MYO5A: variants seen among roughly 807,000 people sequenced by gnomAD.
The protein encoded by MYO5A is unconventional myosin-Va.
Under a neutral mutation model 249.7 loss-of-function variants are expected in MYO5A, and 98 were observed. The observed-to-expected ratio is 0.39, with a 90% CI of 0.33 to 0.46. The LOEUF (loss-of-function observed/expected upper bound fraction) is 0.46. Among genes scored for constraint, MYO5A ranks in the 20% least tolerant of loss-of-function variants. The probability of loss-of-function intolerance (pLI) is 0.98; values close to 1 mark genes in which losing one functional copy is unlikely to be tolerated. For missense variants in MYO5A, 1,696 were observed against 2,308.8 expected, an observed-to-expected ratio of 0.73 and a Z score of 5.44; for synonymous variants, 778 against 810.6, an observed-to-expected ratio of 0.96 and a Z score of 0.68.
intron 36 of MYO5A, 198 bp from the exon 37 acceptor site, chr15:52,323,642 G>C (rs1482397628): frequency 3.9e-6 from 2 of 508,228 alleles, no homozygotes; most frequent in African/African-American, 3.9e-5. Context: ...TTGTTGCTTT[G>C]CTTGCCATTC....
At chr15:52,518,563 A>G (rs2077544505) in intron 1 of MYO5A, among the ~76,000 whole-genome samples, 1 of 152,226 alleles carries the variant, frequency 6.6e-6, no homozygotes, top group Admixed American at 6.5e-5. Context: ...GCTGCTTATC[A>G]AACTAGAAGA....
At chr15:52,430,416 C>G (rs2075501640) in intron 2 of MYO5A, among the ~76,000 whole-genome samples, 1 of 152,218 alleles carries the variant, frequency 6.6e-6, no homozygotes, top group South Asian at 2.1e-4. Flanking sequence ...GTAACATCTT[C>G]ACAGAAATTT....
chr15:52,404,009 T>C (rs992834437), intron 9 of MYO5A, among the ~76,000 whole-genome samples: 6 of 152,176 alleles, frequency 3.9e-5, no homozygotes, highest in South Asian at 4.1e-4. Flanking sequence ...CTCACACCTA[T>C]AATCCCAGCA....
chr15:52,390,606 C>A (rs1344472509), intron 12 of MYO5A, among the ~76,000 whole-genome samples: 2 of 143,244 alleles, frequency 1.4e-5, no homozygotes, highest in African/African-American at 2.6e-5. Flanking sequence ...TTCACCCAGG[C>A]TGGAGTGCAA....
intron 1 of MYO5A, among the ~76,000 whole-genome samples, chr15:52,486,774 A>G (rs1257383324): frequency 6.6e-6 from 1 of 152,162 alleles, no homozygotes; most frequent in Admixed American, 6.6e-5. Flanking sequence ...AGTGCGGCCA[A>G]TTCTAAAGGC....
At chr15:52,520,376 G>A (rs1262989645) in intron 1 of MYO5A, among the ~76,000 whole-genome samples, 4 of 152,138 alleles carry the variant, frequency 2.6e-5, no homozygotes, top group Admixed American at 6.5e-5. Flanking sequence ...CCAATGAAAG[G>A]AGAAGGCACA....
intron 1 of MYO5A, among the ~76,000 whole-genome samples, chr15:52,501,788 G>GA (rs1485829782): frequency 6.6e-6 from 1 of 150,574 alleles, no homozygotes; most frequent in Non-Finnish European, 1.5e-5. Flanking sequence ...CTTGCCCACA[G>GA]AAAAAAATAT....
chr15:52,337,152 G>A (rs1193508543), intron 33 of MYO5A, among the ~76,000 whole-genome samples: 1 of 152,200 alleles, frequency 6.6e-6, no homozygotes, highest in East Asian at 1.9e-4. Context: ...GTGGCATAAG[G>A]CATCTATAAA....
At chr15:52,341,204 A>G (rs1050798203) in intron 31 of MYO5A, among the ~76,000 whole-genome samples, 1 of 152,176 alleles carries the variant, frequency 6.6e-6, no homozygotes, top group Non-Finnish European at 1.5e-5. Context: ...TCCTATTCTG[A>G]AAGACAGAAA....
intron 37 of MYO5A, among the ~76,000 whole-genome samples, chr15:52,322,187 T>C (rs774765850): frequency 6.6e-6 from 1 of 152,262 alleles, no homozygotes; most frequent in Non-Finnish European, 1.5e-5. Flanking sequence ...GCCAAGCATC[T>C]GCCTCCTTAC....
chr15:52,383,069 T>G (rs746108371), intron 16 of MYO5A, 22 bp downstream of exon 16: 1 of 1,566,744 alleles, frequency 6.4e-7, no homozygotes. Context: ...ACTTTTTCAC[T>G]GGGTGGTTCA....
intron 1 of MYO5A, among the ~76,000 whole-genome samples, chr15:52,445,748 C>A (rs186072963): frequency 1.1e-3 from 160 of 152,296 alleles, no homozygotes; most frequent in African/African-American, 3.8e-3. Flanking sequence ...GTGTGTTACG[C>A]CTCACCAAAG....
intron 4 of MYO5A, among the ~76,000 whole-genome samples, chr15:52,420,129 G>A (rs1002542547): frequency 3.3e-5 from 5 of 151,980 alleles, no homozygotes; most frequent in African/African-American, 1.2e-4. Flanking sequence ...AACATAGTGA[G>A]ATTCCATCTC....
At chr15:52,318,761 T>C (rs984980237) in intron 39 of MYO5A, among the ~76,000 whole-genome samples, 1 of 152,264 alleles carries the variant, frequency 6.6e-6, no homozygotes, top group Non-Finnish European at 1.5e-5. Flanking sequence ...CTCATCTTTG[T>C]GTATTTTTGC....
At chr15:52,335,997 C>T (rs145569849) in intron 34 of MYO5A, among the ~76,000 whole-genome samples, 165 of 152,156 alleles carry the variant, frequency 1.1e-3, no homozygotes, top group African/African-American at 3.9e-3. Flanking sequence ...TTTGGACCAA[C>T]CTAATAGCTC....
intron 1 of MYO5A, among the ~76,000 whole-genome samples, chr15:52,466,023 G>A (rs1028174026): frequency 7.9e-5 from 12 of 152,230 alleles, no homozygotes; most frequent in African/African-American, 2.9e-4. Context: ...CTAGGGAATC[G>A]AGCAATCCAG....
intron 1 of MYO5A, among the ~76,000 whole-genome samples, chr15:52,494,331 T>C (rs1050973690): frequency 2.0e-5 from 3 of 152,184 alleles, no homozygotes; most frequent in African/African-American, 7.2e-5. Flanking sequence ...CCCACAGATG[T>C]ACAAGGGACC....
intron 4 of MYO5A, 86 bp from the exon 5 acceptor site, chr15:52,416,387 A>C: frequency 7.0e-7 from 1 of 1,432,434 alleles, no homozygotes; most frequent in East Asian, 2.4e-5. Context: ...CTATGGAAGT[A>C]GGGGGCTAAT....
chr15:52,428,668 A>C (rs751243592), intron 2 of MYO5A, 99 bp from the exon 3 acceptor site: 81 of 1,259,824 alleles, frequency 6.4e-5, no homozygotes, highest in Non-Finnish European at 9.2e-5. Flanking sequence ...TTTGCTTCTC[A>C]GCTATTAAAT....
Sources: gnomAD v4.1 joint callset for allele counts (sites outside exome capture counted in the v4.1 genomes callset) on GRCh38, gnomAD v4.1.1 for gene constraint, MANE v1.5 for transcripts, NCBI Gene and HGNC (gene_info 2026-07-23, HGNC 2026-07-21) for gene names.